The following IPO5 variants were observed in gnomAD, a reference collection of about 807,000 sequenced individuals.
IPO5 encodes the protein importin-5.
IPO5 carries 18 observed loss-of-function variants against 143.3 expected under a neutral mutation model. The observed-to-expected ratio is 0.13, with a 90% confidence interval of 0.09 to 0.19. The LOEUF is 0.19. Among genes scored for constraint, IPO5 ranks in the 10% least tolerant of loss-of-function variants. IPO5 has a pLI of 1.00. For missense variants in IPO5, 1,013 were observed against 1,336.9 expected (o/e 0.76, Z 3.78); for synonymous variants, 477 against 465.7 (o/e 1.02, Z -0.31).
intron 20 of IPO5, 84 bp from the exon 21 acceptor site, chr13:98,012,162 G>T: frequency 1.2e-6 from 1 of 805,292 alleles, no homozygotes; most frequent in Non-Finnish European, 2.2e-6. Context: ...AACCTCCTGT[G>T]GTCCTTATGA....
intron 2 of IPO5, chr13:97,963,115 TTTAG>T (rs1021748073): frequency 1.3e-5 from 2 of 152,182 alleles, no homozygotes; most frequent in Non-Finnish European, 2.9e-5. Flanking sequence ...GGTAATTTGC[TTTAG>T]TTAAAGTCAA....
At chr13:97,977,712 T>TA (rs1198396889) in intron 4 of IPO5, among the ~76,000 whole-genome samples, 12 of 152,324 alleles carry the variant, frequency 7.9e-5, no homozygotes, top group Middle Eastern at 3.4e-3. Context: ...AGACTGATGT[T>TA]ACATTTTCAG....
At position 98,022,080 on chromosome 13, in the gene IPO5, G is replaced by A. The variant is rs1486385095; in HGVS notation, c.*258G>A. On this transcript the variant is annotated 3_prime_UTR_variant, in exon 29 of 29. Transcript: ENST00000651721. ...GACTATTTTTCTATTGGTATAACCC[G>A]CCCACCTGAAGGGGAAAGGGAAATC... 1.5e-5 allele frequency: 5 copies of A among 324,228 alleles called. No homozygotes were observed. The highest frequency in any genetic ancestry group is 2.1e-5 in the African/African-American group (1 of 47,934). 20.1% of individuals were successfully genotyped at this position (324,228 alleles called of 1,614,324 possible). A position where few individuals can be genotyped will look rare whatever the true frequency, so the allele number is the denominator to read the frequency against.
chr13:98,006,056 A>G, intron 16 of IPO5, 74 bp from the exon 17 acceptor site: 1 of 965,028 alleles, frequency 1.0e-6, no homozygotes, highest in South Asian at 1.4e-5. Flanking sequence ...AAGAACTTGA[A>G]GGGAGTAGTA....
chr13:97,994,659 G>A (rs796328991), intron 11 of IPO5, among the ~76,000 whole-genome samples: 15 of 152,296 alleles, frequency 9.8e-5, no homozygotes, highest in African/African-American at 3.6e-4. Context: ...AGGGCCTGGA[G>A]TAGCCAAGAC....
intron 20 of IPO5, among the ~76,000 whole-genome samples, chr13:98,011,564 T>C (rs767556111): frequency 6.7e-6 from 1 of 149,538 alleles, no homozygotes; most frequent in Non-Finnish European, 1.5e-5. Flanking sequence ...TGGAGTATAG[T>C]GGTGCCATCC....
intron 4 of IPO5, chr13:97,979,903 TAA>T: frequency 2.2e-6 from 1 of 456,720 alleles, no homozygotes; most frequent in Non-Finnish European, 4.4e-6. Flanking sequence ...TGTTAATAGA[TAA>T]AAGTCATGTG....
At chr13:97,999,753 T>C (rs1480992854) in intron 12 of IPO5, among the ~76,000 whole-genome samples, 1 of 152,208 alleles carries the variant, frequency 6.6e-6, no homozygotes, top group Non-Finnish European at 1.5e-5. Context: ...TGCATAGTTT[T>C]TGGCAGTGCA....
Position 98,021,762 on chromosome 13 carries a change from C to T in IPO5, c.3234C>T (p.Cys1078=). 6.3e-7 allele frequency: 1 copy of T among 1,588,892 alleles called. No homozygotes were observed. The highest frequency in any genetic ancestry group is 8.6e-7 in the Non-Finnish European group (1 of 1,161,216). Residue 1078 remains cysteine, a synonymous_variant, in exon 29 of 29, where the codon TGC becomes TGT. Coordinates refer to ENST00000651721, the MANE Select transcript of IPO5 (RefSeq NM_002271.6). ...CTTCTGGAGGACTGTGGACTGAGTG[C>T]ATAGCACAGCTCAGTCCTGAGCAGC... ...VQTSGGLWTE[C]IAQLSPEQQA...
intron 4 of IPO5, chr13:97,977,002 C>G: frequency 4.8e-6 from 1 of 206,794 alleles, no homozygotes; most frequent in Non-Finnish European, 1.0e-5. Flanking sequence ...GCACCAGTTA[C>G]CTCCCCGCCG....
intron 9 of IPO5, 77 bp from the exon 10 acceptor site, chr13:97,992,815 C>T: frequency 1.4e-6 from 2 of 1,384,840 alleles, no homozygotes; most frequent in Non-Finnish European, 2.0e-6. Context: ...CTATTGTCAG[C>T]ATCTTAGGAA....
At chr13:98,010,780 C>CGTTTTT (rs1889639079) in intron 20 of IPO5, among the ~76,000 whole-genome samples, 1 of 70,032 alleles carries the variant, frequency 1.4e-5, no homozygotes, top group African/African-American at 9.5e-5. Flanking sequence ...AAGGATAATC[C>CGTTTTT]TTTTTTTTTT....
intron 18 of IPO5, among the ~76,000 whole-genome samples, chr13:98,009,384 C>T (rs1388114620): frequency 6.6e-6 from 1 of 152,128 alleles, no homozygotes; most frequent in Admixed American, 6.5e-5. Flanking sequence ...TTTAAATATA[C>T]TCAGCCACTT....
At chr13:97,991,148 T>G (rs996217551) in intron 9 of IPO5, among the ~76,000 whole-genome samples, 1 of 152,162 alleles carries the variant, frequency 6.6e-6, no homozygotes, top group African/African-American at 2.4e-5. Context: ...TGGCAATCTT[T>G]TAGTAATTTT....
intron 19 of IPO5, 27 bp from the exon 20 acceptor site, chr13:98,010,076 T>A: frequency 6.2e-7 from 1 of 1,613,530 alleles, no homozygotes; most frequent in Non-Finnish European, 8.5e-7. Context: ...ATTTTTCATA[T>A]GCATTTGTTT....
chr13:98,003,046 TA>T lies in IPO5; in HGVS notation c.1497+11del. 2 of 1,595,978 alleles carry T rather than the reference TA, an allele frequency of 1.3e-6. No homozygotes were observed. The highest frequency in any genetic ancestry group is 1.7e-6 in the Non-Finnish European group (2 of 1,171,086). On this transcript the variant is annotated intron_variant, in intron 16 of 28. Coordinates refer to ENST00000651721, the MANE Select transcript of IPO5 (RefSeq NM_002271.6). ...TACTGAAGCTTCAAGAGGTAAGTTT[TA>T]AGATCTGTAGGCTGCTTTCTGTTTG... is the stretch of plus-strand genomic sequence containing the variant.
intron 25 of IPO5, among the ~76,000 whole-genome samples, chr13:98,017,069 G>A (rs188109925): frequency 6.6e-4 from 100 of 152,130 alleles, no homozygotes; most frequent in Non-Finnish European, 1.1e-3. Flanking sequence ...GGCCAATTCA[G>A]TTCTAACACA....
intron 6 of IPO5, among the ~76,000 whole-genome samples, chr13:97,986,218 G>T (rs1285362067): frequency 6.6e-6 from 1 of 152,130 alleles, no homozygotes; most frequent in African/African-American, 2.4e-5. Context: ...AGAAGCACAG[G>T]CTAATTAATG....
At chr13:97,988,556 G>A (rs1887564728) in intron 6 of IPO5, among the ~76,000 whole-genome samples, 1 of 152,248 alleles carries the variant, frequency 6.6e-6, no homozygotes, top group African/African-American at 2.4e-5. Flanking sequence ...GGAAGGCCAA[G>A]GCAAGTGGAT....
Sources: allele counts gnomAD v4.1 joint callset (sites outside exome capture counted in the v4.1 genomes callset), GRCh38; gene constraint gnomAD v4.1.1; transcripts MANE v1.5; gene names NCBI Gene and HGNC (gene_info 2026-07-23, HGNC 2026-07-21).